SGCD: variants seen among roughly 807,000 people sequenced by gnomAD.
SGCD encodes the protein delta-sarcoglycan.
In SGCD, 18 loss-of-function variants were observed where a neutral mutation model predicts 36.6. That is an observed-to-expected ratio of 0.49 (90% CI 0.34 to 0.73). The LOEUF (loss-of-function observed/expected upper bound fraction) is 0.73, where lower values mean the gene tolerates loss of function less well. SGCD is among the 30% of genes least tolerant of loss of function. The pLI is 0.01. For missense variants in SGCD, 387 were observed against 346.7 expected, an observed-to-expected ratio of 1.12 and a Z score of -0.92; for synonymous variants, 133 against 130.6, an observed-to-expected ratio of 1.02 and a Z score of -0.12.
chr5:156,518,761 T>A (rs1421065154), intron 4 of SGCD, among the ~76,000 whole-genome samples: 3 of 152,140 alleles, frequency 2.0e-5, no homozygotes, highest in African/African-American at 4.8e-5. Context: ...GACTCCTGGA[T>A]AAATAATGAA....
chr5:156,178,309 G>A (rs539416377), intron 3 of SGCD, among the ~76,000 whole-genome samples: 165 of 152,262 alleles, frequency 1.1e-3, no homozygotes, highest in African/African-American at 3.8e-3. Flanking sequence ...TTTTGATAAT[G>A]CTTCGAGTGC....
intron 3 of SGCD, among the ~76,000 whole-genome samples, chr5:156,246,044 C>T (rs996681078): frequency 6.6e-5 from 10 of 152,088 alleles, no homozygotes; most frequent in Admixed American, 4.6e-4. Flanking sequence ...ACATATGATA[C>T]ATTTAAATGG....
intron 3 of SGCD, among the ~76,000 whole-genome samples, chr5:156,188,669 C>A (rs564218338): frequency 8.1e-5 from 5 of 62,060 alleles, no homozygotes; most frequent in African/African-American, 1.2e-4. Context: ...ACCCCAACCG[C>A]CCCCCCCGAC....
chr5:156,348,279 T>G (rs1200495902), intron 3 of SGCD, among the ~76,000 whole-genome samples: 6 of 152,002 alleles, frequency 3.9e-5, no homozygotes, highest in African/African-American at 1.4e-4. Flanking sequence ...GAGAAAGAAA[T>G]AAAGGGCATC....
chr5:155,730,059 TATGGGC>T, the SGCD span, among the ~76,000 whole-genome samples: 6 of 152,030 alleles, frequency 3.9e-5, no homozygotes, highest in Non-Finnish European at 7.4e-5. Flanking sequence ...CAAGGGCAGG[TATGGGC>T]ATACACGTGT....
chr5:156,265,406 G>C (rs1381031551), intron 3 of SGCD, among the ~76,000 whole-genome samples: 1 of 151,880 alleles, frequency 6.6e-6, no homozygotes, highest in African/African-American at 2.4e-5. Context: ...TGAAAAGCTA[G>C]CCAGTTAAAT....
In SGCD at chr5:155,970,124, C is replaced by T. The variant is rs557594526; in HGVS notation, c.-282+99700C>T. On this transcript the variant is annotated intron_variant, in intron 1 of 9. Coordinates refer to the SGCD transcript ENST00000517913. The stretch of plus-strand genomic sequence containing the variant: ...ACAGTCAAAGAGTGATAGTCTCAAT[C>T]TAGAGGGATTGGGTGTGAGAGATCC... 3.3e-5 allele frequency among the ~76,000 whole-genome samples: 5 copies of T among 152,146 alleles called. No individual in the cohort carries two copies. The South Asian group carries it at 1.0e-3, about 32-fold the overall frequency.
intron 6 of SGCD, among the ~76,000 whole-genome samples, chr5:156,601,424 A>T (rs2113413483): frequency 6.6e-6 from 1 of 152,278 alleles, no homozygotes; most frequent in Middle Eastern, 3.4e-3. Flanking sequence ...TATCAACTTT[A>T]TGAAAAGGCA....
chr5:156,425,654 C>T (rs1235041921), intron 3 of SGCD, among the ~76,000 whole-genome samples: 2 of 151,138 alleles, frequency 1.3e-5, no homozygotes, highest in Admixed American at 1.3e-4. Flanking sequence ...TTTGGTGCAC[C>T]CATCACCCGA....
chr5:155,743,616 A>G, the SGCD span, among the ~76,000 whole-genome samples: 1 of 152,208 alleles, frequency 6.6e-6, no homozygotes, highest in African/African-American at 2.4e-5. Flanking sequence ...AGACTACCTC[A>G]ATGGTCCTGT....
chr5:156,433,868 G>A (rs1210673625), intron 3 of SGCD, among the ~76,000 whole-genome samples: 1 of 152,156 alleles, frequency 6.6e-6, no homozygotes, highest in Non-Finnish European at 1.5e-5. Flanking sequence ...GTTACAAGAT[G>A]GCTATAGTAA....
intron 1 of SGCD, among the ~76,000 whole-genome samples, chr5:155,887,811 A>G (rs777743952): frequency 1.3e-5 from 2 of 152,226 alleles, no homozygotes; most frequent in Non-Finnish European, 2.9e-5. Flanking sequence ...TATTCATTAT[A>G]ATACCAATAA....
chr5:156,199,889 T>G (rs1764103784), intron 3 of SGCD, among the ~76,000 whole-genome samples: 1 of 152,108 alleles, frequency 6.6e-6, no homozygotes, highest in African/African-American at 2.4e-5. Context: ...TTGTGTCCAC[T>G]CTTAGGGCCT....
At chr5:156,143,424 G>A (rs1762622804) in intron 3 of SGCD, among the ~76,000 whole-genome samples, 1 of 152,202 alleles carries the variant, frequency 6.6e-6, no homozygotes, top group Non-Finnish European at 1.5e-5. Context: ...ACTGCCTAGT[G>A]GAACTGTGAG....
At chr5:156,029,861 C>T (rs143622064) in intron 1 of SGCD, among the ~76,000 whole-genome samples, 9 of 152,144 alleles carry the variant, frequency 5.9e-5, no homozygotes, top group East Asian at 1.9e-4. Flanking sequence ...CATACAGCTT[C>T]GCTACTTGGA....
intron 1 of SGCD, among the ~76,000 whole-genome samples, chr5:155,870,920 A>C (rs1478443493): frequency 1.3e-5 from 2 of 152,160 alleles, no homozygotes; most frequent in Admixed American, 1.3e-4. Flanking sequence ...GTCCATTTTC[A>C]CAATTGTTAC....
chr5:156,307,550 C>CT (rs1767249265), intron 3 of SGCD, among the ~76,000 whole-genome samples: 3 of 71,664 alleles, frequency 4.2e-5, no homozygotes, highest in Admixed American at 1.6e-4. Context: ...TACATTTTAA[C>CT]TGTTGTTTTT....
the SGCD span, among the ~76,000 whole-genome samples, chr5:155,756,063 A>C: frequency 6.6e-6 from 1 of 152,346 alleles, no homozygotes; most frequent in Non-Finnish European, 1.5e-5. Context: ...CTCTGGAGTT[A>C]GCCAGACATG....
chr5:156,071,481 C>G (rs1290895178), intron 1 of SGCD, among the ~76,000 whole-genome samples: 2 of 152,180 alleles, frequency 1.3e-5, no homozygotes, highest in African/African-American at 2.4e-5. Flanking sequence ...TTTGATTGCA[C>G]TGTGGTCTGA....
Sources: allele counts gnomAD v4.1 joint callset (sites outside exome capture counted in the v4.1 genomes callset), GRCh38; gene constraint gnomAD v4.1.1; transcripts MANE v1.5; gene names NCBI Gene and HGNC (gene_info 2026-07-23, HGNC 2026-07-21).